The following ZNF599 variants were observed in gnomAD, a reference collection of about 807,000 sequenced individuals.
The protein encoded by ZNF599 is zinc finger protein 599.
A neutral mutation model predicts 11.7 loss-of-function variants in ZNF599; 10 were observed. The observed-to-expected ratio is 0.86, with a 90% CI of 0.53 to 1.45. ZNF599 has a LOEUF of 1.45. Among genes scored for constraint, ZNF599 ranks in the 40% most tolerant of loss-of-function variants. The probability of loss-of-function intolerance (pLI) is 0.00; values close to 1 mark genes in which losing one functional copy is unlikely to be tolerated. For missense variants in ZNF599, 688 were observed against 713.6 expected (o/e 0.96, Z 0.41); for synonymous variants, 232 against 253.2 (o/e 0.92, Z 0.79).
the ZNF599 span, among the ~76,000 whole-genome samples, chr19:34,794,753 T>C: frequency 1.3e-5 from 2 of 152,098 alleles, no homozygotes; most frequent in African/African-American, 4.8e-5. Flanking sequence ...CTATTTTTAG[T>C]AGAGACAGCG....
intron 3 of ZNF599, chr19:34,763,811 T>C (rs2069125943): frequency 6.6e-6 from 1 of 152,048 alleles, no homozygotes; most frequent in Non-Finnish European, 1.5e-5. Context: ...TGGCTGGGTG[T>C]GGGGGCTCAC....
the ZNF599 span, among the ~76,000 whole-genome samples, chr19:34,793,917 G>A: frequency 6.6e-6 from 1 of 152,194 alleles, no homozygotes; most frequent in African/African-American, 2.4e-5. Flanking sequence ...AAAATCGTAT[G>A]TATTAGTCAG....
chr19:34,774,750 G>A (rs1020895330), upstream of ZNF599, among the ~76,000 whole-genome samples: 14 of 152,178 alleles, frequency 9.2e-5, no homozygotes, highest in Admixed American at 4.6e-4. Context: ...TTCTTAATGC[G>A]AGAAGCCAAA....
At chr19:34,794,202 T>C in the ZNF599 span, among the ~76,000 whole-genome samples, 719 of 152,260 alleles carry the variant, frequency 4.7e-3, 5 homozygotes, top group African/African-American at 0.017. Flanking sequence ...GATTCAGTCA[T>C]CTCTTACTGG....
intron 3 of ZNF599, chr19:34,762,886 AC>A (rs1286822478): frequency 6.6e-6 from 1 of 152,220 alleles, no homozygotes; most frequent in Non-Finnish European, 1.5e-5. Flanking sequence ...TATTTTTCTG[AC>A]TTTTTATTGT....
At chr19:34,771,891 G>A (rs2069186007) in intron 1 of ZNF599, among the ~76,000 whole-genome samples, 1 of 152,172 alleles carries the variant, frequency 6.6e-6, no homozygotes, top group African/African-American at 2.4e-5. Context: ...AAAGTCAGAA[G>A]ACTCTAGAAA....
chr19:34,792,795 G>A, the ZNF599 span, among the ~76,000 whole-genome samples: 12 of 152,076 alleles, frequency 7.9e-5, no homozygotes, highest in Admixed American at 2.6e-4. Flanking sequence ...CCCAGGAGAC[G>A]GAGCTTACCG....
chr19:34,793,576 C>T, the ZNF599 span, among the ~76,000 whole-genome samples: 251 of 152,272 alleles, frequency 1.6e-3, no homozygotes, highest in African/African-American at 5.8e-3. Flanking sequence ...AAAAATAATG[C>T]TGTAAGTTCT....
At chr19:34,770,313 T>C (rs2069175032) in intron 1 of ZNF599, among the ~76,000 whole-genome samples, 2 of 152,236 alleles carry the variant, frequency 1.3e-5, no homozygotes, top group Admixed American at 1.3e-4. Context: ...GGGTCCAGGA[T>C]CTATGGGTGT....
chr19:34,797,652 AG>A, the ZNF599 span, among the ~76,000 whole-genome samples: 363 of 152,392 alleles, frequency 2.4e-3, no homozygotes, highest in African/African-American at 8.4e-3. Flanking sequence ...GCAGAAGTAC[AG>A]TATACAGAGA....
At chr19:34,804,585 A>C in the ZNF599 span, among the ~76,000 whole-genome samples, 2 of 151,752 alleles carry the variant, frequency 1.3e-5, no homozygotes, top group South Asian at 4.2e-4. Flanking sequence ...ATTCTGAATG[A>C]CTCCCTAGAG....
At chr19:34,796,355 A>C in the ZNF599 span, among the ~76,000 whole-genome samples, 1 of 151,320 alleles carries the variant, frequency 6.6e-6, no homozygotes, top group Non-Finnish European at 1.5e-5. Context: ...CTATTGCCCA[A>C]GATGGAGTGC....
the ZNF599 span, among the ~76,000 whole-genome samples, chr19:34,784,368 C>G: frequency 5.3e-5 from 8 of 152,146 alleles, no homozygotes; most frequent in Non-Finnish European, 1.2e-4. Flanking sequence ...CATTTTAACA[C>G]GATTACCTCT....
chr19:34,789,337 T>C, the ZNF599 span, among the ~76,000 whole-genome samples: 1 of 152,190 alleles, frequency 6.6e-6, no homozygotes, highest in Non-Finnish European at 1.5e-5. Flanking sequence ...CTATGTCTAA[T>C]GGGTTAATTT....
chr19:34,798,568 A>G, the ZNF599 span, among the ~76,000 whole-genome samples: 2 of 152,206 alleles, frequency 1.3e-5, no homozygotes, highest in Non-Finnish European at 2.9e-5. Flanking sequence ...AGAATTGTTC[A>G]TCTGTACCCT....
In ZNF599 at chr19:34,759,408, CAG is replaced by C. The variant is rs773046196; in HGVS notation, c.1391_1392del (p.Ser464CysfsTer6). 5 of 1,613,956 alleles carry C rather than the reference CAG, an allele frequency of 3.1e-6. No individual in the cohort carries two copies. Among genetic ancestry groups the C allele is most frequent in the Non-Finnish European group, 3.4e-6 (4 of 1,179,946 alleles). On this transcript the variant is annotated frameshift_variant, in exon 4 of 4. Transcript: ENST00000329285. LOFTEE classifies it low-confidence loss of function (END_TRUNC). ...TGGGTCCTATTATGTCGAATAAAAA[CAG>C]AGTGGTGTGTAAAAGCCTTTCCACA... Reference protein sequence around the residue: ...SECGKAFTHHSVFIRHNRTHS... With the variant: ...SECGKAFTHHXVFIRHNRTHS...
At chr19:34,796,883 C>T in the ZNF599 span, among the ~76,000 whole-genome samples, 2 of 152,084 alleles carry the variant, frequency 1.3e-5, no homozygotes, top group African/African-American at 4.8e-5. Flanking sequence ...TAGGAGAGGC[C>T]CCCAGGGTCT....
chr19:34,775,959 T>C (rs887724949), upstream of ZNF599, among the ~76,000 whole-genome samples: 4 of 152,208 alleles, frequency 2.6e-5, no homozygotes, highest in African/African-American at 9.6e-5. Context: ...AATGAGTAGT[T>C]GCTAAATATT....
At position 34,772,810 on chromosome 19, in the gene ZNF599, A is replaced by G. The variant is rs1187831450; in HGVS notation, c.18+14T>C. The G allele has an allele frequency of 6.5e-7, 1 of 1,531,620 alleles. No individual in the cohort carries two copies. The highest frequency in any genetic ancestry group is 8.8e-7 in the Non-Finnish European group (1 of 1,142,718). 94.9% of individuals were successfully genotyped at this position (1,531,620 alleles called of 1,614,324 possible). On this transcript the variant is annotated intron_variant, in intron 1 of 3. Coordinates refer to ENST00000329285, the MANE Select transcript of ZNF599 (RefSeq NM_001007248.3). The stretch of plus-strand genomic sequence containing the variant: ...TGACCCGAGCTCGCGCGGGCTGCGG[A>G]ACCCTCCACTCACCAACGCCGGCGC...
Sources: allele counts gnomAD v4.1 joint callset (sites outside exome capture counted in the v4.1 genomes callset), GRCh38; gene constraint gnomAD v4.1.1; transcripts MANE v1.5; gene names NCBI Gene and HGNC (gene_info 2026-07-23, HGNC 2026-07-21).